The following PDE4D variants were observed in gnomAD, a reference collection of about 807,000 sequenced individuals.
PDE4D encodes the protein 3',5'-cyclic-AMP phosphodiesterase 4D.
In PDE4D, 24 loss-of-function variants were observed where a neutral mutation model predicts 87.4. The observed-to-expected ratio is 0.27, with a 90% CI of 0.20 to 0.39. The LOEUF is 0.39. Ranked by LOEUF, PDE4D falls within the 10% of genes least tolerant of loss-of-function variation. PDE4D has a pLI of 1.00. For synonymous variants in PDE4D, 384 were observed against 383.2 expected, an observed-to-expected ratio of 1.00 and a Z score of -0.02; for missense variants, 714 against 1,041.0, an observed-to-expected ratio of 0.69 and a Z score of 4.32.
At chr5:59,507,532 T>C (rs1252038084) in intron 1 of PDE4D, among the ~76,000 whole-genome samples, 1 of 148,020 alleles carries the variant, frequency 6.8e-6, no homozygotes, top group African/African-American at 2.5e-5. Context: ...AGGTGTGGTG[T>C]CATATGTCTG....
chr5:59,436,721 C>T (rs1796844299), intron 1 of PDE4D, among the ~76,000 whole-genome samples: 1 of 152,134 alleles, frequency 6.6e-6, no homozygotes, highest in African/African-American at 2.4e-5. Context: ...CATAAGGTCT[C>T]ATCTTTTTAA....
chr5:60,044,171 C>T (rs1044901460), intron 2 of PDE4D, among the ~76,000 whole-genome samples: 1 of 151,888 alleles, frequency 6.6e-6, no homozygotes, highest in Non-Finnish European at 1.5e-5. Context: ...GTTTCTAATA[C>T]AAGACATGAT....
chr5:58,989,340 T>C (rs1430147837), intron 10 of PDE4D, among the ~76,000 whole-genome samples: 1 of 152,172 alleles, frequency 6.6e-6, no homozygotes, highest in Non-Finnish European at 1.5e-5. Context: ...CTTCTTAGGA[T>C]TTAGAAAAAT....
chr5:59,545,120 A>G (rs1346438021), intron 1 of PDE4D, among the ~76,000 whole-genome samples: 1 of 152,122 alleles, frequency 6.6e-6, no homozygotes, highest in Admixed American at 6.6e-5. Flanking sequence ...TTACCCCTGT[A>G]TTTTTATTAT....
At chr5:59,277,530 A>C (rs188523895) in intron 1 of PDE4D, among the ~76,000 whole-genome samples, 1 of 152,260 alleles carries the variant, frequency 6.6e-6, no homozygotes, top group Admixed American at 6.5e-5. Flanking sequence ...TTGGAATTTA[A>C]ATGTGGGAAA....
At chr5:59,155,780 G>A (rs1311201517) in intron 5 of PDE4D, among the ~76,000 whole-genome samples, 3 of 152,096 alleles carry the variant, frequency 2.0e-5, no homozygotes, top group African/African-American at 4.8e-5. Context: ...TAGAGCAGGA[G>A]GGAGAAGGGA....
intron 2 of PDE4D, among the ~76,000 whole-genome samples, chr5:60,112,945 T>A (rs1377973559): frequency 6.6e-6 from 1 of 152,110 alleles, no homozygotes; most frequent in Non-Finnish European, 1.5e-5. Context: ...CCCTGAGTTA[T>A]CCACAAGCTG....
At chr5:59,087,470 C>G (rs895730656) in intron 5 of PDE4D, among the ~76,000 whole-genome samples, 1 of 151,916 alleles carries the variant, frequency 6.6e-6, no homozygotes, top group Non-Finnish European at 1.5e-5. Flanking sequence ...GGTGACAGAG[C>G]AAGACCCTAT....
intron 5 of PDE4D, among the ~76,000 whole-genome samples, chr5:59,174,005 G>C (rs1256192146): frequency 2.6e-5 from 4 of 152,112 alleles, no homozygotes; most frequent in African/African-American, 9.7e-5. Context: ...TAAGTAGCCA[G>C]CATCCTTATT....
At chr5:59,912,656 C>G (rs961743112) in intron 3 of PDE4D, among the ~76,000 whole-genome samples, 1 of 151,992 alleles carries the variant, frequency 6.6e-6, no homozygotes, top group Non-Finnish European at 1.5e-5. Flanking sequence ...TTTTTAGTCA[C>G]TAATACAAAT....
At chr5:59,346,100 TAA>T (rs756556776) in intron 1 of PDE4D, among the ~76,000 whole-genome samples, 6 of 149,584 alleles carry the variant, frequency 4.0e-5, no homozygotes, top group Admixed American at 6.6e-5. Flanking sequence ...TGAAATAAAA[TAA>T]GAGTTTATAT....
At chr5:59,474,863 A>G (rs1803046071) in intron 1 of PDE4D, among the ~76,000 whole-genome samples, 1 of 152,092 alleles carries the variant, frequency 6.6e-6, no homozygotes, top group Admixed American at 6.6e-5. Context: ...AAAAATGAAA[A>G]CCAACTAAGG....
intron 1 of PDE4D, among the ~76,000 whole-genome samples, chr5:60,416,575 C>T (rs1003562100): frequency 1.2e-4 from 19 of 152,164 alleles, no homozygotes; most frequent in Admixed American, 3.9e-4. Context: ...AGCAAGACCA[C>T]GAACCCACCA....
intron 1 of PDE4D, among the ~76,000 whole-genome samples, chr5:59,804,062 A>G (rs1021960842): frequency 6.6e-6 from 1 of 152,056 alleles, no homozygotes; most frequent in Non-Finnish European, 1.5e-5. Flanking sequence ...TTTGGGGTAC[A>G]GTGGGTTTTG....
intron 1 of PDE4D, among the ~76,000 whole-genome samples, chr5:59,469,310 AGAGT>A (rs1162890806): frequency 6.6e-6 from 1 of 152,178 alleles, no homozygotes; most frequent in Non-Finnish European, 1.5e-5. Flanking sequence ...CCTGGTTGAC[AGAGT>A]GAGACTCCAT....
intron 1 of PDE4D, among the ~76,000 whole-genome samples, chr5:59,762,463 T>G (rs543584391): frequency 5.0e-4 from 62 of 124,284 alleles, no homozygotes; most frequent in Non-Finnish European, 8.3e-4. Flanking sequence ...TGTGTATATG[T>G]GTATATGGGT....
rs558399723 is a variant in PDE4D, at chr5:60,048,217, G to A, written c.43-59500C>T. ...GCCTTTTTTTGTTTTCCATTTGCTT[G>A]GTAGATCTTCCTCCATCCTTTTATT... On this transcript the variant is annotated intron_variant, in intron 2 of 16. Transcript: ENST00000502484. Among the ~76,000 whole-genome samples the A allele has an allele frequency of 9.3e-4, 141 of 151,954 alleles. 1 individual carries two copies. Among genetic ancestry groups the A allele is most frequent in the African/African-American group, 3.2e-3 (132 of 41,426 alleles).
rs1327382377 is a variant in PDE4D at position 60,144,204 on chromosome 5, T to G, written c.42+41353A>C. 3.3e-5 allele frequency among the ~76,000 whole-genome samples: 5 copies of G among 152,216 alleles called. No homozygotes were observed. The South Asian group carries it at 1.0e-3, about 32-fold the overall frequency. On this transcript the variant is annotated intron_variant, in intron 2 of 16. Coordinates refer to the PDE4D transcript ENST00000502484. ...TAGAAACTGGGAGGGGAGAGCTAGC[T>G]GTCTGGCTCTGTTTCTCCATGTTTG...
chr5:60,269,519 C>T (rs1037747324), intron 1 of PDE4D, among the ~76,000 whole-genome samples: 6 of 152,164 alleles, frequency 3.9e-5, no homozygotes, highest in Non-Finnish European at 8.8e-5. Context: ...CCATTATAAA[C>T]AATGCTGCTG....
Sources: gnomAD v4.1 joint callset for allele counts (sites outside exome capture counted in the v4.1 genomes callset) on GRCh38, gnomAD v4.1.1 for gene constraint, MANE v1.5 for transcripts, NCBI Gene and HGNC (gene_info 2026-07-23, HGNC 2026-07-21) for gene names.